FIP1L1: variants seen among roughly 807,000 people sequenced by gnomAD.
FIP1L1 encodes pre-mRNA 3'-end-processing factor FIP1.
In FIP1L1, 21 loss-of-function variants were observed where a neutral mutation model predicts 84.6. The ratio of observed to expected loss-of-function variants is 0.25; its 90% CI spans 0.18 to 0.36. The LOEUF (loss-of-function observed/expected upper bound fraction) is 0.36. FIP1L1 is among the 10% of genes least tolerant of loss of function. The pLI, the probability that FIP1L1 is intolerant of heterozygous loss-of-function variation, is 1.00. For synonymous variants in FIP1L1, 263 were observed against 242.3 expected, an observed-to-expected ratio of 1.09 and a Z score of -0.80; for missense variants, 526 against 751.1, an observed-to-expected ratio of 0.70 and a Z score of 3.50.
intron 14 of FIP1L1, 96 bp downstream of exon 14, chr4:53,442,803 C>A: frequency 1.5e-6 from 1 of 676,462 alleles, no homozygotes; most frequent in Non-Finnish European, 2.5e-6. Context: ...ATTTTATAAA[C>A]ACAGCACCTG....
intron 15 of FIP1L1, among the ~76,000 whole-genome samples, chr4:53,449,458 A>C (rs1177421175): frequency 6.6e-6 from 1 of 152,160 alleles, no homozygotes; most frequent in Non-Finnish European, 1.5e-5. Context: ...ATTTGCTGAA[A>C]TAAACCTAAC....
intron 13 of FIP1L1, among the ~76,000 whole-genome samples, chr4:53,435,117 G>A (rs1409653811): frequency 1.3e-5 from 2 of 152,040 alleles, no homozygotes; most frequent in African/African-American, 4.8e-5. Flanking sequence ...ATTTATTCTT[G>A]TGTTTTTCTA....
intron 3 of FIP1L1, among the ~76,000 whole-genome samples, chr4:53,381,929 AT>A (rs71638926): frequency 0.13 from 19,213 of 142,894 alleles, 2,399 homozygotes; most frequent in African/African-American, 0.32. Flanking sequence ...TGCCTGGCTA[AT>A]TTTTTTTTTT....
intron 7 of FIP1L1, 53 bp from the exon 8 acceptor site, chr4:53,390,956 G>T: frequency 7.1e-7 from 1 of 1,416,658 alleles, no homozygotes; most frequent in South Asian, 1.4e-5. Flanking sequence ...TTTTGATGCT[G>T]CATAAAAATA....
At chr4:53,444,941 G>C (rs1773564147) in intron 15 of FIP1L1, among the ~76,000 whole-genome samples, 1 of 152,108 alleles carries the variant, frequency 6.6e-6, no homozygotes, top group African/African-American at 2.4e-5. Context: ...AGGCTTATGG[G>C]GAGATAGCTG....
intron 10 of FIP1L1, among the ~76,000 whole-genome samples, chr4:53,410,373 A>G (rs143154704): frequency 4.6e-5 from 7 of 152,306 alleles, no homozygotes; most frequent in East Asian, 3.9e-4. Context: ...AAGAGGATCA[A>G]CTTCGATGAT....
At chr4:53,408,390 G>A (rs188665347) in intron 10 of FIP1L1, among the ~76,000 whole-genome samples, 1 of 152,248 alleles carries the variant, frequency 6.6e-6, no homozygotes, top group East Asian at 1.9e-4. Flanking sequence ...GCTTCACTTT[G>A]TGGGTAACCC....
intron 9 of FIP1L1, among the ~76,000 whole-genome samples, chr4:53,393,031 C>T (rs1469902493): frequency 1.3e-5 from 2 of 151,916 alleles, no homozygotes; most frequent in African/African-American, 2.4e-5. Flanking sequence ...TATTGTGGTC[C>T]GTAGGAAATG....
chr4:53,447,565 A>T (rs932680945), intron 15 of FIP1L1, among the ~76,000 whole-genome samples: 1 of 152,180 alleles, frequency 6.6e-6, no homozygotes, highest in Non-Finnish European at 1.5e-5. Flanking sequence ...TTACATTATT[A>T]TGAATGTGTA....
At chr4:53,444,175 A>C in intron 15 of FIP1L1, 72 bp downstream of exon 15, 1 of 903,652 alleles carries the variant, frequency 1.1e-6, no homozygotes, top group South Asian at 1.4e-5. Flanking sequence ...TAAAGCAATA[A>C]AAACGTGTTC....
At chr4:53,432,062 T>G (rs1766930574) in intron 13 of FIP1L1, among the ~76,000 whole-genome samples, 1 of 151,956 alleles carries the variant, frequency 6.6e-6, no homozygotes, top group Admixed American at 6.6e-5. Context: ...TGCAAAAGCA[T>G]TTATCGTGGT....
At chr4:53,420,177 G>A (rs555131503) in intron 11 of FIP1L1, among the ~76,000 whole-genome samples, 2 of 100,390 alleles carry the variant, frequency 2.0e-5, no homozygotes, top group African/African-American at 3.9e-5. Context: ...CAGCCTGGAC[G>A]ACAGAGGAAG....
At chr4:53,392,987 A>G (rs1377215746) in intron 9 of FIP1L1, among the ~76,000 whole-genome samples, 1 of 152,198 alleles carries the variant, frequency 6.6e-6, no homozygotes, top group East Asian at 1.9e-4. Flanking sequence ...GTGTGTATTA[A>G]GAATATGTGT....
At chr4:53,414,526 A>T in intron 10 of FIP1L1, 89 bp from the exon 11 acceptor site, 1 of 762,802 alleles carries the variant, frequency 1.3e-6, no homozygotes, top group East Asian at 2.7e-5. Flanking sequence ...GACTTTAGAA[A>T]AAGCATGTCA....
chr4:53,383,270 C>A (rs1445313029), intron 4 of FIP1L1, among the ~76,000 whole-genome samples: 2 of 151,956 alleles, frequency 1.3e-5, no homozygotes, highest in Non-Finnish European at 2.9e-5. Context: ...TTTCTTTATT[C>A]ATAGTCTTAT....
In FIP1L1 at chr4:53,460,287, A is replaced by AGTT. The variant is rs570021028; in HGVS notation, c.*839_*841dup. Reference sequence around the variant, plus strand: ...GCCATTTCTTACTAAAAACAAAACAAGTTTATAATTAATTCTCTGAGCGAG... The same window carrying AGTT: ...GCCATTTCTTACTAAAAACAAAACAAGTTGTTTATAATTAATTCTCTGAGCGAG... On this transcript the variant is annotated 3_prime_UTR_variant, in exon 18 of 18. Transcript: ENST00000337488. The AGTT allele has an allele frequency of 3.8e-4, 72 of 190,940 alleles. 1 individual carries two copies. In the South Asian group the frequency reaches 8.1e-3, roughly 22 times the overall value. The allele number at this position is 190,940 out of a possible 1,614,324, so 11.8% of individuals were successfully genotyped here. A position where few individuals can be genotyped will look rare whatever the true frequency, so the allele number is the denominator to read the frequency against.
intron 9 of FIP1L1, among the ~76,000 whole-genome samples, chr4:53,395,278 A>C (rs1479554384): frequency 6.6e-6 from 1 of 152,234 alleles, no homozygotes; most frequent in East Asian, 1.9e-4. Context: ...TGAAGAAATT[A>C]AGGAAAAAAG....
intron 13 of FIP1L1, among the ~76,000 whole-genome samples, chr4:53,428,845 C>T (rs1475596273): frequency 1.3e-5 from 2 of 152,124 alleles, no homozygotes; most frequent in Non-Finnish European, 1.5e-5. Context: ...TTTTATGAAA[C>T]TAGCAAGATT....
At chr4:53,427,223 T>G (rs576102697) in intron 12 of FIP1L1, among the ~76,000 whole-genome samples, 3 of 152,360 alleles carry the variant, frequency 2.0e-5, no homozygotes, top group African/African-American at 7.2e-5. Context: ...TTTAAAAGAT[T>G]GCTTTAGTCA....
Sources: allele counts gnomAD v4.1 joint callset (sites outside exome capture counted in the v4.1 genomes callset), GRCh38; gene constraint gnomAD v4.1.1; transcripts MANE v1.5; gene names NCBI Gene and HGNC (gene_info 2026-07-23, HGNC 2026-07-21).